Variants in NRXN1 observed in about 807,000 individuals in gnomAD.
NRXN1 encodes neurexin 1.
A neutral mutation model predicts 150.9 loss-of-function variants in NRXN1; 39 were observed. That is an observed-to-expected ratio of 0.26 (90% CI 0.20 to 0.34). The LOEUF (loss-of-function observed/expected upper bound fraction) is 0.34, where lower values mean the gene tolerates loss of function less well. Among genes scored for constraint, NRXN1 ranks in the 10% least tolerant of loss-of-function variants. The probability of loss-of-function intolerance (pLI) is 1.00; values close to 1 mark genes in which losing one functional copy is unlikely to be tolerated. For synonymous variants in NRXN1, 924 were observed against 757.0 expected, an observed-to-expected ratio of 1.22 and a Z score of -3.62; for missense variants, 1,815 against 1,949.9, an observed-to-expected ratio of 0.93 and a Z score of 1.30.
intron 22 of NRXN1, among the ~76,000 whole-genome samples, chr2:49,935,279 G>C (rs1670835656): frequency 6.6e-6 from 1 of 152,136 alleles, no homozygotes; most frequent in South Asian, 2.1e-4. Flanking sequence ...TGGCCAAATT[G>C]AGATTTGAAC....
chr2:50,514,199 G>C (rs996917700), intron 12 of NRXN1, among the ~76,000 whole-genome samples: 7 of 152,144 alleles, frequency 4.6e-5, no homozygotes, highest in Non-Finnish European at 1.0e-4. Context: ...AAATTGCACA[G>C]ATGATGGACA....
At chr2:50,492,927 T>G (rs945072480) in intron 15 of NRXN1, among the ~76,000 whole-genome samples, 1 of 27,090 alleles carries the variant, frequency 3.7e-5, no homozygotes, top group African/African-American at 2.5e-4. Context: ...AAAAGAAAGA[T>G]GCCTGTTTTC....
intron 21 of NRXN1, among the ~76,000 whole-genome samples, chr2:50,042,737 A>C (rs1409259101): frequency 6.6e-6 from 1 of 152,190 alleles, no homozygotes. Context: ...TCAAAAAAAA[A>C]ACTTAAGGTT....
chr2:50,173,030 A>G (rs1406201603), intron 18 of NRXN1, among the ~76,000 whole-genome samples: 1 of 152,208 alleles, frequency 6.6e-6, no homozygotes, highest in Non-Finnish European at 1.5e-5. Flanking sequence ...CTATAGATAA[A>G]TAAACATATA....
intron 19 of NRXN1, among the ~76,000 whole-genome samples, chr2:50,083,718 C>A (rs1462131602): frequency 6.6e-6 from 1 of 152,148 alleles, no homozygotes; most frequent in Non-Finnish European, 1.5e-5. Flanking sequence ...AGAGAGCTGA[C>A]TGGTCCGTTT....
At chr2:50,746,456 G>A (rs533154425) in intron 5 of NRXN1, among the ~76,000 whole-genome samples, 2 of 152,174 alleles carry the variant, frequency 1.3e-5, no homozygotes, top group South Asian at 4.2e-4. Context: ...CTACATGGAA[G>A]CTGAGGCAGA....
At chr2:50,906,977 C>T (rs1683783415) in intron 5 of NRXN1, among the ~76,000 whole-genome samples, 1 of 151,996 alleles carries the variant, frequency 6.6e-6, no homozygotes, top group African/African-American at 2.4e-5. Context: ...CCTCCTCTCT[C>T]ACACCCCTCT....
chr2:50,475,615 C>A lies in NRXN1; in HGVS notation c.3071-3144G>T, dbSNP rs182627232. 1.1e-3 allele frequency among the ~76,000 whole-genome samples: 171 copies of A among 152,118 alleles called. 2 individuals carry two copies. Among genetic ancestry groups the A allele is most frequent in the African/African-American group, 4.0e-3 (166 of 41,510 alleles). On this transcript the variant is annotated intron_variant, in intron 15 of 22. Coordinates refer to ENST00000401669, the MANE Select transcript of NRXN1 (RefSeq NM_001330078.2). ...TCAGTTCAAGCAGTGTGGGATACAA[C>A]CTTCAAACATAGCAAGGTAGACGAG...
rs527789049 is a variant in NRXN1 at position 49,921,917 on chromosome 2, T to C, written c.*27A>G. 3.1e-6 allele frequency: 5 copies of C among 1,603,002 alleles called. No homozygotes were observed. The highest frequency in any genetic ancestry group is 3.3e-5 in the Admixed American group (2 of 59,974). On this transcript the variant is annotated 3_prime_UTR_variant, in exon 23 of 23. Transcript: ENST00000401669. ...TCAGATAAAATGAAGACTATTTCTA[T>C]ACAAGTGTCCATTTAAGATCTTGGG...
intron 5 of NRXN1, among the ~76,000 whole-genome samples, chr2:50,729,667 C>A (rs1373975691): frequency 6.6e-6 from 1 of 152,178 alleles, no homozygotes; most frequent in Non-Finnish European, 1.5e-5. Context: ...TTTTATCCAT[C>A]AGCACTCTTC....
At chr2:50,251,935 C>A (rs1311933914) in intron 17 of NRXN1, among the ~76,000 whole-genome samples, 1 of 152,018 alleles carries the variant, frequency 6.6e-6, no homozygotes, top group Non-Finnish European at 1.5e-5. Context: ...GGATATTAGA[C>A]CTTTGTCAGA....
At chr2:50,599,706 T>C (rs1246792637) in intron 8 of NRXN1, among the ~76,000 whole-genome samples, 1 of 152,174 alleles carries the variant, frequency 6.6e-6, no homozygotes, top group Non-Finnish European at 1.5e-5. Context: ...AGGAAATTTG[T>C]CTGGCTAATT....
intron 2 of NRXN1, among the ~76,000 whole-genome samples, chr2:50,985,692 T>C (rs960412286): frequency 9.2e-5 from 14 of 151,714 alleles, no homozygotes; most frequent in African/African-American, 3.4e-4. Context: ...AAAATGTTAA[T>C]TGAAAATACA....
At chr2:50,958,382 A>C (rs1267512639) in intron 2 of NRXN1, among the ~76,000 whole-genome samples, 1 of 152,088 alleles carries the variant, frequency 6.6e-6, no homozygotes, top group Non-Finnish European at 1.5e-5. Flanking sequence ...CAGCTCTCAA[A>C]AGTTAACATA....
intron 18 of NRXN1, among the ~76,000 whole-genome samples, chr2:50,138,170 C>A (rs1033245646): frequency 6.6e-6 from 1 of 152,174 alleles, no homozygotes; most frequent in African/African-American, 2.4e-5. Flanking sequence ...ATTTCATTTA[C>A]AACCCATATG....
intron 18 of NRXN1, among the ~76,000 whole-genome samples, chr2:50,138,038 A>G (rs1026017067): frequency 6.6e-6 from 1 of 152,200 alleles, no homozygotes; most frequent in African/African-American, 2.4e-5. Context: ...AAGCTGTCAT[A>G]AAAAAATTTA....
chr2:50,653,271 T>C (rs954628541), intron 5 of NRXN1, among the ~76,000 whole-genome samples: 1 of 152,046 alleles, frequency 6.6e-6, no homozygotes, highest in Admixed American at 6.6e-5. Context: ...TGGTTCAGAA[T>C]GCTCCACTCT....
intron 17 of NRXN1, among the ~76,000 whole-genome samples, chr2:50,439,700 C>T (rs1393056197): frequency 6.6e-6 from 1 of 151,612 alleles, no homozygotes; most frequent in Non-Finnish European, 1.5e-5. Context: ...ACCTGTAGTC[C>T]CAGCTACTCG....
intron 17 of NRXN1, among the ~76,000 whole-genome samples, chr2:50,444,300 C>T (rs2086213961): frequency 6.6e-6 from 1 of 152,104 alleles, no homozygotes; most frequent in Non-Finnish European, 1.5e-5. Flanking sequence ...CAGTGTGGGA[C>T]AGAGCTGCCT....
Sources: allele counts gnomAD v4.1 joint callset (sites outside exome capture counted in the v4.1 genomes callset), GRCh38; gene constraint gnomAD v4.1.1; transcripts MANE v1.5; gene names NCBI Gene and HGNC (gene_info 2026-07-23, HGNC 2026-07-21).